TNIK: variants seen among roughly 807,000 people sequenced by gnomAD.
TNIK encodes TRAF2 and NCK interacting kinase.
Under a neutral mutation model 191.3 loss-of-function variants are expected in TNIK, and 49 were observed. The ratio of observed to expected loss-of-function variants is 0.26; its 90% CI spans 0.20 to 0.32. The LOEUF (loss-of-function observed/expected upper bound fraction) is 0.32, where lower values mean the gene tolerates loss of function less well. TNIK is among the 10% of genes least tolerant of loss of function. The probability of loss-of-function intolerance (pLI) is 1.00; values close to 1 mark genes in which losing one functional copy is unlikely to be tolerated. For synonymous variants in TNIK, 594 were observed against 600.9 expected, an observed-to-expected ratio of 0.99 and a Z score of 0.17; for missense variants, 1,155 against 1,702.3, an observed-to-expected ratio of 0.68 and a Z score of 5.66.
At chr3:171,105,394 A>G (rs1031348372) in intron 21 of TNIK, among the ~76,000 whole-genome samples, 3 of 152,204 alleles carry the variant, frequency 2.0e-5, no homozygotes, top group Non-Finnish European at 2.9e-5. Flanking sequence ...TGAAGTGGTG[A>G]CAACCAAAAC....
At chr3:171,359,962 G>T (rs1347894592) in intron 2 of TNIK, among the ~76,000 whole-genome samples, 2 of 152,136 alleles carry the variant, frequency 1.3e-5, no homozygotes, top group Admixed American at 1.3e-4. Flanking sequence ...GTCATTAAGG[G>T]TGTTATGAGA....
At chr3:171,066,763 ATTC>A (rs1270506026) in intron 30 of TNIK, 28 bp from the exon 31 acceptor site, 1 of 1,599,174 alleles carries the variant, frequency 6.3e-7, no homozygotes, top group East Asian at 2.2e-5. Context: ...GCCAAGCATT[ATTC>A]TTTTAAAAAA....
intron 1 of TNIK, among the ~76,000 whole-genome samples, chr3:171,434,818 T>C (rs1725832853): frequency 3.3e-5 from 5 of 152,178 alleles, no homozygotes; most frequent in Admixed American, 1.3e-4. Context: ...TGGCTAACAT[T>C]TCCATTACAT....
At chr3:171,242,709 T>G (rs1745133875) in intron 2 of TNIK, among the ~76,000 whole-genome samples, 1 of 152,120 alleles carries the variant, frequency 6.6e-6, no homozygotes, top group South Asian at 2.1e-4. Flanking sequence ...CCAGAAAATC[T>G]GTCTTAGATT....
At chr3:171,130,316 T>TC (rs1396178169) in intron 15 of TNIK, among the ~76,000 whole-genome samples, 2 of 152,162 alleles carry the variant, frequency 1.3e-5, no homozygotes, top group Admixed American at 1.3e-4. Flanking sequence ...AAAACAGCCC[T>TC]CCTGCCTCTA....
intron 2 of TNIK, among the ~76,000 whole-genome samples, chr3:171,245,421 T>C (rs1745480809): frequency 6.6e-6 from 1 of 152,218 alleles, no homozygotes; most frequent in South Asian, 2.1e-4. Flanking sequence ...CCAGAACAGC[T>C]GATCACCTTA....
chr3:171,203,917 C>T (rs1170564609), intron 4 of TNIK, among the ~76,000 whole-genome samples: 2 of 152,252 alleles, frequency 1.3e-5, no homozygotes, highest in African/African-American at 2.4e-5. Flanking sequence ...CTTACTTGAC[C>T]ACCCTACATT....
At chr3:171,333,310 C>G (rs536085929) in intron 2 of TNIK, among the ~76,000 whole-genome samples, 5 of 152,022 alleles carry the variant, frequency 3.3e-5, no homozygotes, top group African/African-American at 1.2e-4. Context: ...AATCCCAGCA[C>G]TTTGGTAGGC....
intron 2 of TNIK, among the ~76,000 whole-genome samples, chr3:171,349,703 C>T (rs574489029): frequency 2.7e-3 from 416 of 152,310 alleles, no homozygotes; most frequent in African/African-American, 9.8e-3. Context: ...TCCAACATTC[C>T]TGTAATCCAT....
At chr3:171,070,450 GAGAGAGAGAGACAGAGAGAGATC>G (rs1020161786) in intron 29 of TNIK, among the ~76,000 whole-genome samples, 3 of 151,636 alleles carry the variant, frequency 2.0e-5, no homozygotes, top group African/African-American at 7.3e-5. Flanking sequence ...CATAAGCTGA[GAGAGAGAGAGACAGAGAGAGATC>G]AGAGAGAGAG....
chr3:171,343,207 T>A (rs1451083427), intron 2 of TNIK, among the ~76,000 whole-genome samples: 2 of 152,026 alleles, frequency 1.3e-5, no homozygotes, highest in Non-Finnish European at 2.9e-5. Context: ...TGGAGAGGGG[T>A]GAGCCGTTTA....
chr3:171,389,506 T>C (rs1482336387), intron 1 of TNIK, among the ~76,000 whole-genome samples: 1 of 152,084 alleles, frequency 6.6e-6, no homozygotes, highest in Non-Finnish European at 1.5e-5. Context: ...GGTACCAACA[T>C]TTGTAGAGCA....
At chr3:171,453,465 G>A (rs1278178163) in intron 1 of TNIK, among the ~76,000 whole-genome samples, 2 of 152,106 alleles carry the variant, frequency 1.3e-5, no homozygotes, top group Non-Finnish European at 2.9e-5. Context: ...CTGCCGCAAT[G>A]GGGGAGTGGT....
At chr3:171,201,834 T>C (rs1473826601) in intron 4 of TNIK, among the ~76,000 whole-genome samples, 1 of 152,104 alleles carries the variant, frequency 6.6e-6, no homozygotes, top group East Asian at 1.9e-4. Context: ...TCTTGGCTTC[T>C]GAATTATATT....
At chr3:171,100,862 GAC>G (rs777750840) in intron 22 of TNIK, among the ~76,000 whole-genome samples, 21 of 151,782 alleles carry the variant, frequency 1.4e-4, no homozygotes, top group Non-Finnish European at 2.8e-4. Flanking sequence ...ATGTGGCAAA[GAC>G]ACAGACCACA....
chr3:171,152,589 A>G (rs1324734803), intron 12 of TNIK, among the ~76,000 whole-genome samples: 1 of 152,084 alleles, frequency 6.6e-6, no homozygotes, highest in Non-Finnish European at 1.5e-5. Context: ...TGTGGAGAGA[A>G]TAAGAACTGC....
chr3:171,069,453 T>C (rs1023442476), intron 29 of TNIK, among the ~76,000 whole-genome samples: 2 of 152,142 alleles, frequency 1.3e-5, no homozygotes, highest in Non-Finnish European at 2.9e-5. Context: ...TCAGCCTGTT[T>C]AGTATTAATG....
At chr3:171,379,165 A>G (rs1014569159) in intron 1 of TNIK, among the ~76,000 whole-genome samples, 7 of 152,234 alleles carry the variant, frequency 4.6e-5, no homozygotes, top group African/African-American at 1.7e-4. Flanking sequence ...TAAAAGATAA[A>G]TAATATTTTC....
intron 2 of TNIK, among the ~76,000 whole-genome samples, chr3:171,240,555 C>T (rs1318424617): frequency 2.6e-5 from 4 of 151,986 alleles, no homozygotes; most frequent in South Asian, 4.2e-4. Context: ...TCCTACTATT[C>T]CCCCCCAGTC....
Sources: gnomAD v4.1 joint callset for allele counts (sites outside exome capture counted in the v4.1 genomes callset) on GRCh38, gnomAD v4.1.1 for gene constraint, MANE v1.5 for transcripts, NCBI Gene and HGNC (gene_info 2026-07-23, HGNC 2026-07-21) for gene names.